The following SPATA21 variants were observed in gnomAD, a reference collection of about 807,000 sequenced individuals.
SPATA21 encodes the protein spermatogenesis associated 21, also known as spermatogenesis-associated protein 21.
SPATA21 carries 47 observed loss-of-function variants against 54.8 expected under a neutral mutation model. That is an observed-to-expected ratio of 0.86 (90% confidence interval 0.68 to 1.09). The LOEUF (loss-of-function observed/expected upper bound fraction) is 1.09. Ranked by LOEUF, SPATA21 falls within the 50% of genes least tolerant of loss-of-function variation. SPATA21 has a pLI of 0.00. For synonymous variants in SPATA21, 245 were observed against 235.3 expected, an observed-to-expected ratio of 1.04 and a Z score of -0.38; for missense variants, 599 against 596.4, an observed-to-expected ratio of 1.00 and a Z score of -0.05.
Position 16,409,679 on chromosome 1 carries a change from G to C in SPATA21, c.509C>G (p.Pro170Arg). ...TSMPCPVLLG[P>R]ALDLGWRRME... The stretch of plus-strand genomic sequence containing the variant: ...CCTTCTCCAGCCCAGGTCCAGGGCA[G>C]GGCCCAGCAGGACAGGGCAAGGCAT... Residue 170 changes from proline to arginine, a missense_variant, in exon 6 of 13, where the codon CCT (proline) becomes CGT (arginine). Coordinates refer to ENST00000335496, the MANE Select transcript of SPATA21 (RefSeq NM_198546.1). This position sits in a 1 kb window ranked among gnomAD's most constrained non-coding sequence, Gnocchi z 4.1. 6.2e-7 allele frequency: 1 copy of C among 1,613,446 alleles called. No individual in the cohort carries two copies. Among genetic ancestry groups the C allele is most frequent in the Non-Finnish European group, 8.5e-7 (1 of 1,179,994 alleles).
chr1:16,399,292 T>C, intron 12 of SPATA21, 52 bp downstream of exon 12: 1 of 1,535,178 alleles, frequency 6.5e-7, no homozygotes, highest in South Asian at 1.3e-5. Context: ...AGGGGCCTCT[T>C]AAGGAAGAAT....
At chr1:16,404,067 C>A (rs1038729012) in intron 8 of SPATA21, 28 bp from the exon 9 acceptor site, 7 of 1,548,936 alleles carry the variant, frequency 4.5e-6, no homozygotes, top group Non-Finnish European at 6.1e-6. Context: ...GTAGGGTGGG[C>A]AGGGACCTTC....
Position 16,400,814 on chromosome 1 carries a change from C to G in SPATA21, c.1080G>C (p.Gln360His), listed in dbSNP as rs780954536. ...CTTGCTGGGGGTTGTAGGGAAGCTTCTGCAACCGCAGCCGGCCTACGGCCG... is the reference window on the plus strand; with the variant it reads ...CTTGCTGGGGGTTGTAGGGAAGCTTGTGCAACCGCAGCCGGCCTACGGCCG... ...MEAAVGRLRL[Q>H]KLPYNPQQEE... The change falls in exon 11 of 13, where the codon CAG becomes CAC. Residue 360 changes from glutamine to histidine, a missense_variant. Physicochemically the swap from Gln to His is conservative, Grantham distance 24. Coordinates refer to ENST00000335496, the MANE Select transcript of SPATA21 (RefSeq NM_198546.1). The G allele has an allele frequency of 3.7e-6, 6 of 1,614,092 alleles. No individual in the cohort carries two copies. Among genetic ancestry groups the G allele is most frequent in the African/African-American group, 1.3e-5 (1 of 74,910 alleles).
At chr1:16,402,392 G>T (rs916284696) in intron 10 of SPATA21, among the ~76,000 whole-genome samples, 1 of 149,774 alleles carries the variant, frequency 6.7e-6, no homozygotes, top group Non-Finnish European at 1.5e-5. Flanking sequence ...CTCCCGAGTA[G>T]CTGGGATTAC....
At chr1:16,403,251 C>G (rs1209510744) in intron 10 of SPATA21, among the ~76,000 whole-genome samples, 3 of 152,138 alleles carry the variant, frequency 2.0e-5, no homozygotes, top group African/African-American at 7.2e-5. Flanking sequence ...GGAAAGAATT[C>G]CTCTTGCTGC....
intron 1 of SPATA21, among the ~76,000 whole-genome samples, chr1:16,433,372 G>T (rs1007986388): frequency 6.6e-6 from 1 of 152,226 alleles, no homozygotes; most frequent in Non-Finnish European, 1.5e-5. Flanking sequence ...GGACCAGGCT[G>T]TCACCTGGAG....
At chr1:16,406,741 CAAAT>C (rs572077192) in intron 7 of SPATA21, among the ~76,000 whole-genome samples, 4 of 152,102 alleles carry the variant, frequency 2.6e-5, no homozygotes, top group South Asian at 2.1e-4. Flanking sequence ...GGCCCTGTCT[CAAAT>C]AAATAAATAA....
chr1:16,433,285 C>A (rs985550830), intron 1 of SPATA21, among the ~76,000 whole-genome samples: 1 of 152,246 alleles, frequency 6.6e-6, no homozygotes, highest in African/African-American at 2.4e-5. Context: ...TACAGCTGCA[C>A]CCCTGCCATG....
At chr1:16,403,485 TTTTTTTC>T (rs1238381529) in intron 10 of SPATA21, among the ~76,000 whole-genome samples, 2 of 109,886 alleles carry the variant, frequency 1.8e-5, no homozygotes, top group African/African-American at 5.6e-5. Context: ...GTTTTTTTCT[TTTTTTTC>T]TTTTTTTTTT....
intron 5 of SPATA21, among the ~76,000 whole-genome samples, chr1:16,420,684 C>A (rs2086146662): frequency 6.6e-6 from 1 of 151,990 alleles, no homozygotes; most frequent in South Asian, 2.1e-4. Context: ...AGGGGCCCAT[C>A]TTCACAGCTC....
chr1:16,437,621 TTCTC>T (rs2086614587), upstream of SPATA21, among the ~76,000 whole-genome samples: 1 of 152,182 alleles, frequency 6.6e-6, no homozygotes, highest in Admixed American at 6.5e-5. Context: ...ATGACTGCTT[TTCTC>T]TCTGTCTCCT....
intron 3 of SPATA21, among the ~76,000 whole-genome samples, chr1:16,427,301 T>C (rs937387669): frequency 6.6e-6 from 1 of 152,108 alleles, no homozygotes; most frequent in Admixed American, 6.6e-5. Context: ...TAACTTTTCT[T>C]GTAGAGGAGG....
At chr1:16,430,285 G>A (rs1473045072) in intron 3 of SPATA21, among the ~76,000 whole-genome samples, 1 of 151,836 alleles carries the variant, frequency 6.6e-6, no homozygotes, top group Non-Finnish European at 1.5e-5. Context: ...AAAAATAGTT[G>A]GGTATGGTGG....
intron 11 of SPATA21, chr1:16,400,415 TA>T: frequency 9.2e-7 from 1 of 1,085,846 alleles, no homozygotes; most frequent in African/African-American, 1.6e-5. Flanking sequence ...GGGCACTCAA[TA>T]AACAGTGAGC....
At chr1:16,418,655 C>T (rs2086084993) in intron 5 of SPATA21, among the ~76,000 whole-genome samples, 1 of 151,604 alleles carries the variant, frequency 6.6e-6, no homozygotes, top group African/African-American at 2.4e-5. Context: ...GCATCCTCTG[C>T]CTCACGGGTT....
intron 3 of SPATA21, chr1:16,425,155 CCTCCTTCGGCCTCCAGAAGTG>C (rs1434294554): frequency 3.0e-5 from 14 of 460,266 alleles, no homozygotes; most frequent in Non-Finnish European, 5.6e-5. Context: ...AGGTGATCTG[CCTCCTTCGGCCTCCAGAAGTG>C]CTGGGATTAA....
chr1:16,418,031 C>T (rs1452234685), intron 5 of SPATA21, among the ~76,000 whole-genome samples: 1 of 152,226 alleles, frequency 6.6e-6, no homozygotes, highest in Non-Finnish European at 1.5e-5. Context: ...CTTGTGGTGC[C>T]ACCAGCTCAG....
At chr1:16,426,084 T>G (rs2086309984) in intron 3 of SPATA21, among the ~76,000 whole-genome samples, 1 of 151,830 alleles carries the variant, frequency 6.6e-6, no homozygotes, top group Non-Finnish European at 1.5e-5. Flanking sequence ...AAACTGTTTT[T>G]CAGAAAAAAA....
intron 2 of SPATA21, 136 bp from the exon 3 acceptor site, chr1:16,431,558 G>A (rs1411910941): frequency 9.3e-6 from 7 of 748,834 alleles, no homozygotes; most frequent in Admixed American, 2.9e-5. Flanking sequence ...GGAGAGGCAC[G>A]CAGCAAAACC....
Sources: allele counts gnomAD v4.1 joint callset (sites outside exome capture counted in the v4.1 genomes callset), GRCh38; gene constraint gnomAD v4.1.1; non-coding constraint Gnocchi (gnomAD v3.1); transcripts MANE v1.5; gene names NCBI Gene and HGNC (gene_info 2026-07-23, HGNC 2026-07-21).